GPATCH2: variants seen among roughly 807,000 people sequenced by gnomAD.
GPATCH2 encodes the protein G patch domain-containing protein 2.
GPATCH2 carries 51 observed loss-of-function variants against 58.0 expected under a neutral mutation model. The observed-to-expected ratio is 0.88, with a 90% CI of 0.70 to 1.11. The LOEUF is 1.11. Ranked by LOEUF, GPATCH2 falls within the 50% of genes most tolerant of loss-of-function variation. The probability of loss-of-function intolerance (pLI) is 0.00; values close to 1 mark genes in which losing one functional copy is unlikely to be tolerated. For missense variants in GPATCH2, 625 were observed against 652.2 expected (o/e 0.96, Z 0.45); for synonymous variants, 222 against 218.5 (o/e 1.02, Z -0.14).
At chr1:217,625,134 T>C (rs1669389464) in intron 1 of GPATCH2, among the ~76,000 whole-genome samples, 1 of 152,216 alleles carries the variant, frequency 6.6e-6, no homozygotes, top group Non-Finnish European at 1.5e-5. Context: ...AGTTTGTTTG[T>C]TTCGCTTCCT....
chr1:217,488,515 T>C (rs1284970989), intron 8 of GPATCH2, among the ~76,000 whole-genome samples: 3 of 152,132 alleles, frequency 2.0e-5, no homozygotes, highest in African/African-American at 7.2e-5. Flanking sequence ...TTCTTTATAA[T>C]GCATCTAGCA....
chr1:217,468,542 C>G (rs925837842), intron 8 of GPATCH2, among the ~76,000 whole-genome samples: 4 of 91,042 alleles, frequency 4.4e-5, no homozygotes, highest in African/African-American at 1.1e-4. Context: ...CACACACACA[C>G]ACACACACAC....
chr1:217,588,627 T>C (rs1667449342), intron 5 of GPATCH2, among the ~76,000 whole-genome samples: 1 of 152,160 alleles, frequency 6.6e-6, no homozygotes, highest in African/African-American at 2.4e-5. Context: ...AAATAAATAG[T>C]GCACAAATCT....
chr1:217,561,132 T>C (rs1665906894), intron 5 of GPATCH2, among the ~76,000 whole-genome samples: 2 of 152,222 alleles, frequency 1.3e-5, no homozygotes, highest in Non-Finnish European at 2.9e-5. Flanking sequence ...ATACTATTTG[T>C]GCATTATTTA....
intron 9 of GPATCH2, among the ~76,000 whole-genome samples, chr1:217,445,546 G>A (rs774947047): frequency 6.6e-6 from 1 of 151,998 alleles, no homozygotes; most frequent in Non-Finnish European, 1.5e-5. Flanking sequence ...TGCTTCGATA[G>A]TTCTCAATTT....
At chr1:217,489,055 C>A (rs1049595237) in intron 8 of GPATCH2, among the ~76,000 whole-genome samples, 1 of 149,946 alleles carries the variant, frequency 6.7e-6, no homozygotes, top group Non-Finnish European at 1.5e-5. Context: ...TAATTTTATG[C>A]TTTCTATGTA....
At chr1:217,560,076 T>C (rs1360914874) in intron 5 of GPATCH2, among the ~76,000 whole-genome samples, 1 of 152,198 alleles carries the variant, frequency 6.6e-6, no homozygotes, top group Non-Finnish European at 1.5e-5. Context: ...CTCGATCTCC[T>C]GACCTCAGCC....
chr1:217,533,481 C>T (rs2102627911), intron 5 of GPATCH2, among the ~76,000 whole-genome samples: 1 of 152,314 alleles, frequency 6.6e-6, no homozygotes, highest in Non-Finnish European at 1.5e-5. Context: ...CTGAAAGAGT[C>T]TCAGGGACCC....
At chr1:217,436,122 T>C (rs754000335) in intron 9 of GPATCH2, among the ~76,000 whole-genome samples, 28 of 152,100 alleles carry the variant, frequency 1.8e-4, no homozygotes, top group Admixed American at 4.6e-4. Flanking sequence ...TATTAACATA[T>C]GTTTTTAATT....
chr1:217,579,788 A>T (rs1198217777), intron 5 of GPATCH2, among the ~76,000 whole-genome samples: 1 of 152,150 alleles, frequency 6.6e-6, no homozygotes, highest in Non-Finnish European at 1.5e-5. Context: ...GCTGCTGATA[A>T]AAAAGTCCTA....
intron 5 of GPATCH2, among the ~76,000 whole-genome samples, chr1:217,585,875 C>T (rs1667316437): frequency 6.6e-6 from 1 of 152,052 alleles, no homozygotes; most frequent in Non-Finnish European, 1.5e-5. Flanking sequence ...TATGGTATAG[C>T]CTATTGCTTC....
At chr1:217,578,140 G>A (rs1038524095) in intron 5 of GPATCH2, among the ~76,000 whole-genome samples, 1 of 150,588 alleles carries the variant, frequency 6.6e-6, no homozygotes, top group African/African-American at 2.4e-5. Flanking sequence ...AATGGCTGGG[G>A]GGGGATTACC....
chr1:217,526,794 T>G (rs1249455649), intron 5 of GPATCH2, among the ~76,000 whole-genome samples: 1 of 152,236 alleles, frequency 6.6e-6, no homozygotes, highest in African/African-American at 2.4e-5. Flanking sequence ...AAGCTTCATC[T>G]GTATTCACAG....
rs141784236 is a variant in GPATCH2 at position 217,499,071 on chromosome 1, G to A, written c.1167-676C>T. 8.0e-3 allele frequency among the ~76,000 whole-genome samples: 1,211 copies of A among 152,182 alleles called. 11 individuals are homozygous for A. Among genetic ancestry groups the A allele is most frequent in the Middle Eastern group, 0.024 (7 of 294 alleles). ...ATGTATCTGGCAATACCTTTTCCAC[G>A]GGAGTTGTTAGCATTAGCTATGCGC... On this transcript the variant is annotated intron_variant, in intron 6 of 9. Coordinates refer to ENST00000366935, the MANE Select transcript of GPATCH2 (RefSeq NM_018040.5).
At position 217,466,947 on chromosome 1, in the gene GPATCH2, C is replaced by G. The variant is rs1381577385; in HGVS notation, c.1278-17610G>C. Among the ~76,000 whole-genome samples, 10 of 152,218 alleles carry G rather than the reference C, an allele frequency of 6.6e-5. No homozygotes were observed. In the South Asian group the frequency reaches 1.5e-3, roughly 22 times the overall value. ...CAGCACTTTGCGAGGCTGAGGCAGG[C>G]GGATTGCCTGAGGTCAGGAGTTTGA... On this transcript the variant is annotated intron_variant, in intron 8 of 9. Coordinates refer to ENST00000366935, the MANE Select transcript of GPATCH2 (RefSeq NM_018040.5).
chr1:217,583,046 A>G (rs1424546812), intron 5 of GPATCH2, among the ~76,000 whole-genome samples: 2 of 152,224 alleles, frequency 1.3e-5, no homozygotes, highest in African/African-American at 4.8e-5. Context: ...ATCAAAGACT[A>G]CTAGCACTTC....
chr1:217,591,301 T>C (rs1667578999), intron 5 of GPATCH2, among the ~76,000 whole-genome samples: 1 of 152,124 alleles, frequency 6.6e-6, no homozygotes, highest in African/African-American at 2.4e-5. Context: ...CTAATTTAAA[T>C]TGTGTGTACG....
rs572531182 is a variant in GPATCH2, at chr1:217,609,105, A to G, written c.1098+1216T>C. The stretch of plus-strand genomic sequence containing the variant: ...AAATCACATTGTTTTTCATTATTGA[A>G]GCTTAATAAAAATATCATTTTAATA... On this transcript the variant is annotated intron_variant, in intron 5 of 9. Transcript: ENST00000366935. 79 of 823,498 alleles carry G rather than the reference A, an allele frequency of 9.6e-5. 1 individual carries two copies. The African/African-American group carries it at 1.1e-3, about 12-fold the overall frequency. 51.0% of individuals were successfully genotyped at this position (823,498 alleles called of 1,614,324 possible). A position where few individuals can be genotyped will look rare whatever the true frequency, so the allele number is the denominator to read the frequency against.
In GPATCH2 at chr1:217,578,504, G is replaced by A. The variant is rs112800952; in HGVS notation, c.1098+31817C>T. On this transcript the variant is annotated intron_variant, in intron 5 of 9. Transcript: ENST00000366935. The stretch of plus-strand genomic sequence containing the variant: ...TGGATTCAAGCAATTCTCCCACCTC[G>A]GTATCCTAAAGAGCTGAGAGTACAG... Among the ~76,000 whole-genome samples the A allele has an allele frequency of 7.6e-4, 116 of 152,180 alleles. 1 individual carries two copies. Among genetic ancestry groups the A allele is most frequent in the African/African-American group, 2.6e-3 (109 of 41,526 alleles).
Sources: gnomAD v4.1 joint callset for allele counts (sites outside exome capture counted in the v4.1 genomes callset) on GRCh38, gnomAD v4.1.1 for gene constraint, MANE v1.5 for transcripts, NCBI Gene and HGNC (gene_info 2026-07-23, HGNC 2026-07-21) for gene names.